TMCC1: variants seen among roughly 807,000 people sequenced by gnomAD.
The protein encoded by TMCC1 is transmembrane and coiled-coil domains protein 1.
In TMCC1, 15 loss-of-function variants were observed where a neutral mutation model predicts 52.4. The ratio of observed to expected loss-of-function variants is 0.29; its 90% CI spans 0.19 to 0.44. The LOEUF is 0.44. TMCC1 is among the 20% of genes least tolerant of loss of function. TMCC1 has a pLI of 1.00. For missense variants in TMCC1, 503 were observed against 806.0 expected (o/e 0.62, Z 4.55); for synonymous variants, 279 against 301.9 (o/e 0.92, Z 0.79).
At chr3:129,841,312 G>C (rs191971894) in intron 2 of TMCC1, among the ~76,000 whole-genome samples, 158 of 152,314 alleles carry the variant, frequency 1.0e-3, no homozygotes, top group African/African-American at 3.4e-3. Context: ...GTCAGCCGGG[G>C]ACAGTGGCTC....
At chr3:129,702,032 AATAGT>A (rs1306013561) in intron 4 of TMCC1, among the ~76,000 whole-genome samples, 1 of 152,178 alleles carries the variant, frequency 6.6e-6, no homozygotes, top group Non-Finnish European at 1.5e-5. Context: ...TGTCCTGAGA[AATAGT>A]ATAGAATAGT....
Position 129,828,768 on chromosome 3 carries a change from C to A in TMCC1, c.-130-260G>T, listed in dbSNP as rs1297052422. Among the ~76,000 whole-genome samples the A allele has an allele frequency of 8.5e-5, 13 of 152,268 alleles. 1 individual carries two copies. The South Asian group carries it at 2.3e-3, about 27-fold the overall frequency. The stretch of plus-strand genomic sequence containing the variant: ...CAATGTTCAAAAGCAAAAATCCCTA[C>A]AAGATTCAATATATACAGAATTAGA... On this transcript the variant is annotated intron_variant, in intron 3 of 6. Transcript: ENST00000393238. This position sits in a 1 kb window ranked among gnomAD's most constrained non-coding sequence, Gnocchi z 4.1.
intron 4 of TMCC1, among the ~76,000 whole-genome samples, chr3:129,780,663 CAG>C (rs1393737128): frequency 2.0e-5 from 3 of 152,090 alleles, no homozygotes; most frequent in Non-Finnish European, 4.4e-5. Context: ...CCTCAATACC[CAG>C]AGTCTTGGCT....
At chr3:129,672,150 A>T (rs903380305) in intron 4 of TMCC1, among the ~76,000 whole-genome samples, 4 of 152,204 alleles carry the variant, frequency 2.6e-5, no homozygotes, top group Non-Finnish European at 4.4e-5. Flanking sequence ...AGATACTCAG[A>T]TTTAAAAGCA....
At chr3:129,869,309 T>C (rs1426240985) in intron 2 of TMCC1, among the ~76,000 whole-genome samples, 2 of 152,180 alleles carry the variant, frequency 1.3e-5, no homozygotes, top group African/African-American at 4.8e-5. Flanking sequence ...CCCTCCCCCA[T>C]AGCTTGCCCT....
At chr3:129,884,453 C>T (rs1368343273) in intron 1 of TMCC1, among the ~76,000 whole-genome samples, 2 of 152,068 alleles carry the variant, frequency 1.3e-5, no homozygotes, top group Admixed American at 6.6e-5. Context: ...CATAGTGCAA[C>T]CCCATTTCTA....
At chr3:129,721,178 C>G (rs550092981) in intron 4 of TMCC1, among the ~76,000 whole-genome samples, 5 of 152,116 alleles carry the variant, frequency 3.3e-5, no homozygotes, top group African/African-American at 1.2e-4. Flanking sequence ...CTGGCTGTAC[C>G]CCTGCCTGGA....
At chr3:129,824,343 A>C (rs555276363) in intron 4 of TMCC1, among the ~76,000 whole-genome samples, 8 of 151,798 alleles carry the variant, frequency 5.3e-5, no homozygotes, top group African/African-American at 1.9e-4. Context: ...GTCAAAAAAA[A>C]CCAACCAACC....
chr3:129,764,754 T>TGA, intron 4 of TMCC1, among the ~76,000 whole-genome samples: 1 of 4,466 alleles, frequency 2.2e-4, no homozygotes, highest in African/African-American at 5.1e-4. Context: ...TGTGTGTGTG[T>TGA]GTGTATATAT....
At chr3:129,677,371 A>T (rs1388002503) in intron 4 of TMCC1, among the ~76,000 whole-genome samples, 1 of 152,242 alleles carries the variant, frequency 6.6e-6, no homozygotes, top group Non-Finnish European at 1.5e-5. Context: ...AAATGTTAAA[A>T]ATTTTCTATT....
At chr3:129,753,012 T>C (rs75898459) in intron 4 of TMCC1, among the ~76,000 whole-genome samples, 5,233 of 152,204 alleles carry the variant, frequency 0.034, 134 homozygotes, top group Middle Eastern at 0.082. Flanking sequence ...TCATGAGAAC[T>C]CTATTATGAA....
rs372807765 is a variant in TMCC1 at position 129,818,450 on chromosome 3, T to C, written c.576+9353A>G. Among the ~76,000 whole-genome samples the C allele has an allele frequency of 3.2e-3, 461 of 141,924 alleles. 4 individuals are homozygous for C. The highest frequency in any genetic ancestry group is 7.1e-3 in the African/African-American group (268 of 37,758). The allele number at this position is 141,924 out of a possible 152,430, so 93.1% of individuals were successfully genotyped here. On this transcript the variant is annotated intron_variant, in intron 4 of 6. Coordinates refer to ENST00000393238, the MANE Select transcript of TMCC1 (RefSeq NM_001017395.5). Reference sequence around the variant, plus strand: ...TAAAGAAACTTTTAAAGAAAAGTTTTAAAGAAACTTTTAAAGAAAAGTTTT... The same window carrying C: ...TAAAGAAACTTTTAAAGAAAAGTTTCAAAGAAACTTTTAAAGAAAAGTTTT...
rs141112341 is a variant in TMCC1, at chr3:129,678,029, C to T, written c.577-6765G>A. Among the ~76,000 whole-genome samples the T allele has an allele frequency of 5.3e-4, 80 of 152,130 alleles. 1 individual carries two copies. In the East Asian group the frequency reaches 0.012, roughly 22 times the overall value. ...GCAACCTCTGCCTCCTGGGTTCAAGCGATTCTCATGCCTCAGCCTCCCAAA... is the reference window on the plus strand; with the variant it reads ...GCAACCTCTGCCTCCTGGGTTCAAGTGATTCTCATGCCTCAGCCTCCCAAA... On this transcript the variant is annotated intron_variant, in intron 4 of 6. Coordinates refer to ENST00000393238, the MANE Select transcript of TMCC1 (RefSeq NM_001017395.5).
At chr3:129,779,936 T>TG (rs1268185656) in intron 4 of TMCC1, among the ~76,000 whole-genome samples, 2 of 152,294 alleles carry the variant, frequency 1.3e-5, no homozygotes, top group East Asian at 3.9e-4. Flanking sequence ...AATCCTTAGC[T>TG]GCCATGCCAG....
At chr3:129,851,727 A>G (rs2059922451) in intron 2 of TMCC1, among the ~76,000 whole-genome samples, 1 of 152,240 alleles carries the variant, frequency 6.6e-6, no homozygotes, top group African/African-American at 2.4e-5. Context: ...TAGCAATTCT[A>G]CTTCTGGGTA....
chr3:129,778,994 G>GT (rs1253142535), intron 4 of TMCC1, among the ~76,000 whole-genome samples: 46 of 150,402 alleles, frequency 3.1e-4, no homozygotes, highest in Admixed American at 7.3e-4. Flanking sequence ...TTTGTAGTTT[G>GT]TTTTTTTTTG....
intron 4 of TMCC1, among the ~76,000 whole-genome samples, chr3:129,701,874 G>GT (rs2047862287): frequency 6.6e-6 from 1 of 152,082 alleles, no homozygotes; most frequent in East Asian, 1.9e-4. Context: ...GATGGGCCAG[G>GT]TAATTTCCAA....
At chr3:129,839,457 A>G (rs2059324327) in intron 2 of TMCC1, among the ~76,000 whole-genome samples, 1 of 152,212 alleles carries the variant, frequency 6.6e-6, no homozygotes. Flanking sequence ...AAATCACACC[A>G]AAGAAGGCAG....
chr3:129,663,444 G>A (rs1033046739), intron 5 of TMCC1, among the ~76,000 whole-genome samples: 1 of 152,200 alleles, frequency 6.6e-6, no homozygotes, highest in Non-Finnish European at 1.5e-5. Flanking sequence ...GACCAGAGTA[G>A]AGAGACACAG....
Sources: gnomAD v4.1 joint callset for allele counts (sites outside exome capture counted in the v4.1 genomes callset) on GRCh38, gnomAD v4.1.1 for gene constraint, Gnocchi (gnomAD v3.1) non-coding constraint, MANE v1.5 for transcripts, NCBI Gene and HGNC (gene_info 2026-07-23, HGNC 2026-07-21) for gene names.